ADAM32: variants seen among roughly 807,000 people sequenced by gnomAD.
ADAM32 encodes ADAM metallopeptidase domain 32.
Under a neutral mutation model 114.9 loss-of-function variants are expected in ADAM32, and 89 were observed. The observed-to-expected ratio is 0.77, with a 90% CI of 0.65 to 0.92. The LOEUF (loss-of-function observed/expected upper bound fraction) is 0.92. ADAM32 is among the 40% of genes least tolerant of loss of function. The pLI, the probability that ADAM32 is intolerant of heterozygous loss-of-function variation, is 0.00. For synonymous variants in ADAM32, 285 were observed against 307.5 expected, an observed-to-expected ratio of 0.93 and a Z score of 0.77; for missense variants, 870 against 932.8, an observed-to-expected ratio of 0.93 and a Z score of 0.88.
chr8:39,206,632 C>G (rs1232537206), intron 11 of ADAM32, among the ~76,000 whole-genome samples: 1 of 152,194 alleles, frequency 6.6e-6, no homozygotes, highest in Non-Finnish European at 1.5e-5. Context: ...GTTTGGTTCC[C>G]TTCATCCTTG....
intron 12 of ADAM32, 45 bp from the exon 13 acceptor site, chr8:39,221,565 T>G (rs376083541): frequency 6.9e-7 from 1 of 1,445,502 alleles, no homozygotes; most frequent in Non-Finnish European, 9.6e-7. Context: ...AAGATTTTAC[T>G]ATTGTCATGA....
At chr8:39,124,414 CT>C (rs57362503) in intron 2 of ADAM32, among the ~76,000 whole-genome samples, 58,551 of 136,474 alleles carry the variant, frequency 0.43, 10,566 homozygotes, top group East Asian at 0.54. Flanking sequence ...TTTTCTTTTT[CT>C]TTTTTTTTTT....
intron 3 of ADAM32, among the ~76,000 whole-genome samples, chr8:39,138,454 T>C (rs1406216604): frequency 6.6e-6 from 1 of 152,116 alleles, no homozygotes; most frequent in East Asian, 1.9e-4. Flanking sequence ...ACAGTTTGCT[T>C]AGAATGATGG....
intron 10 of ADAM32, among the ~76,000 whole-genome samples, chr8:39,182,611 C>T (rs1000390037): frequency 6.6e-6 from 1 of 152,198 alleles, no homozygotes; most frequent in Non-Finnish European, 1.5e-5. Context: ...TACAATAGAA[C>T]TCCTGAATGT....
At chr8:39,148,572 G>T (rs1387922304) in intron 4 of ADAM32, among the ~76,000 whole-genome samples, 1 of 150,654 alleles carries the variant, frequency 6.6e-6, no homozygotes, top group African/African-American at 2.4e-5. Flanking sequence ...TGTCTCCCCA[G>T]TGCAATATAA....
At chr8:39,124,385 A>G (rs1422443980) in intron 2 of ADAM32, among the ~76,000 whole-genome samples, 2 of 148,368 alleles carry the variant, frequency 1.3e-5, no homozygotes, top group East Asian at 2.0e-4. Flanking sequence ...ATAGTATTCC[A>G]TGGTATAGAT....
Position 39,151,531 on chromosome 8 carries a change from AT to A in ADAM32, c.513del (p.Phe171LeufsTer2), listed in dbSNP as rs748707053. The A allele has an allele frequency of 1.4e-5, 22 of 1,571,124 alleles. No individual in the cohort carries two copies. Among genetic ancestry groups the A allele is most frequent in the Non-Finnish European group, 3.4e-6 (4 of 1,164,380 alleles). The part of the protein sequence containing the change: ...SLKEQPMDDN[I>X]FISEKSEPAV... ...GAAAGAACAACCAATGGATGACAAC[AT>A]TTTTATAAGTGAAAAAGTGAGTTGT... On this transcript the variant is annotated frameshift_variant, in exon 6 of 25. Coordinates refer to ENST00000379907, the MANE Select transcript of ADAM32 (RefSeq NM_145004.7). LOFTEE classifies it high-confidence loss of function.
At chr8:39,174,343 C>A (rs1206937886) in intron 10 of ADAM32, among the ~76,000 whole-genome samples, 1 of 152,078 alleles carries the variant, frequency 6.6e-6, no homozygotes, top group Non-Finnish European at 1.5e-5. Context: ...TGTACCAGTA[C>A]GATGCTGTTT....
chr8:39,200,698 C>T (rs1229206612), intron 11 of ADAM32, among the ~76,000 whole-genome samples: 2 of 152,212 alleles, frequency 1.3e-5, no homozygotes, highest in African/African-American at 2.4e-5. Context: ...AGTCCTTGCA[C>T]ATGCCTATGT....
intron 20 of ADAM32, among the ~76,000 whole-genome samples, chr8:39,272,101 G>GAAAAAAAAAAAAAAAAAAAA (rs11366445): frequency 9.1e-5 from 6 of 65,802 alleles, no homozygotes; most frequent in Admixed American, 1.8e-4. Context: ...GTGAGCTCCA[G>GAAAAAAAAAAAAAAAAAAAA]AAAAAAAAAA....
chr8:39,118,636 G>A (rs1162242655), intron 2 of ADAM32, among the ~76,000 whole-genome samples: 2 of 152,042 alleles, frequency 1.3e-5, no homozygotes, highest in Non-Finnish European at 2.9e-5. Flanking sequence ...CTCTAGACTT[G>A]CCATGTGCAT....
At chr8:39,247,893 T>C (rs1031360640) in intron 17 of ADAM32, among the ~76,000 whole-genome samples, 1 of 150,100 alleles carries the variant, frequency 6.7e-6, no homozygotes, top group Non-Finnish European at 1.5e-5. Flanking sequence ...TGTGTCTAGA[T>C]TCTTTTTTTT....
chr8:39,149,850 C>T lies in ADAM32; in HGVS notation c.336C>T (p.Ser112=). 1 of 1,611,052 alleles carries T rather than the reference C, an allele frequency of 6.2e-7. No homozygotes were observed. The highest frequency in any genetic ancestry group is 8.5e-7 in the Non-Finnish European group (1 of 1,177,978). ...EGYPDSMVTL[S]TCSGLRGILQ... ...ATCCAGATTCCATGGTCACACTCAG[C>T]ACGTGCTCTGGACTAAGGTTGTTTT... is the stretch of plus-strand genomic sequence containing the variant. The change falls in exon 5 of 25, where the codon AGC becomes AGT. Residue 112 remains serine, a synonymous_variant. Coordinates refer to ENST00000379907, the MANE Select transcript of ADAM32 (RefSeq NM_145004.7).
intron 22 of ADAM32, among the ~76,000 whole-genome samples, chr8:39,279,652 A>G (rs946962767): frequency 6.6e-6 from 1 of 151,724 alleles, no homozygotes; most frequent in Non-Finnish European, 1.5e-5. Context: ...ACATTGTTTC[A>G]CTTCCTTATA....
chr8:39,269,019 C>G (rs1554628390), intron 19 of ADAM32, among the ~76,000 whole-genome samples: 1 of 152,216 alleles, frequency 6.6e-6, no homozygotes. Flanking sequence ...TACTCTGGCT[C>G]AGGCAGTTCC....
In ADAM32 at chr8:39,284,820, G is replaced by T; in HGVS notation, c.*21G>T. 1 of 1,613,130 alleles carries T rather than the reference G, an allele frequency of 6.2e-7. No homozygotes were observed. The highest frequency in any genetic ancestry group is 1.6e-4 in the Middle Eastern group (1 of 6,062). On this transcript the variant is annotated 3_prime_UTR_variant, in exon 25 of 25. Coordinates refer to ENST00000379907, the MANE Select transcript of ADAM32 (RefSeq NM_145004.7). Reference sequence around the variant, plus strand: ...ACTAGTGATTCCTTCAGAAGGCAACGGATAACATCGAGAGTCTCGCTAAGA... The same window carrying T: ...ACTAGTGATTCCTTCAGAAGGCAACTGATAACATCGAGAGTCTCGCTAAGA...
intron 7 of ADAM32, among the ~76,000 whole-genome samples, chr8:39,162,076 A>G (rs1804543616): frequency 6.6e-6 from 1 of 150,888 alleles, no homozygotes; most frequent in Non-Finnish European, 1.5e-5. Context: ...TTTGTCACAT[A>G]TGTATACATG....
intron 3 of ADAM32, among the ~76,000 whole-genome samples, chr8:39,146,703 G>A (rs11781030): frequency 0.23 from 35,042 of 152,088 alleles, 4,701 homozygotes; most frequent in Non-Finnish European, 0.29. Context: ...GAGCCACCAC[G>A]TCCAGCCTCT....
chr8:39,246,020 G>C, intron 16 of ADAM32, 63 bp from the exon 17 acceptor site: 2 of 1,240,810 alleles, frequency 1.6e-6, no homozygotes, highest in Admixed American at 3.5e-5. Context: ...ATTATTTACT[G>C]TAATGTTATG....
Sources: gnomAD v4.1 joint callset for allele counts (sites outside exome capture counted in the v4.1 genomes callset) on GRCh38, gnomAD v4.1.1 for gene constraint, MANE v1.5 for transcripts, NCBI Gene and HGNC (gene_info 2026-07-23, HGNC 2026-07-21) for gene names.